EDIL3: variants seen among roughly 807,000 people sequenced by gnomAD.
EDIL3 encodes EGF like and discoidin domains 3.
In EDIL3, 37 loss-of-function variants were observed where a neutral mutation model predicts 67.4. The ratio of observed to expected loss-of-function variants is 0.55; its 90% CI spans 0.42 to 0.72. The LOEUF (loss-of-function observed/expected upper bound fraction) is 0.72, where lower values mean the gene tolerates loss of function less well. EDIL3 is among the 30% of genes least tolerant of loss of function. EDIL3 has a pLI of 0.00. For synonymous variants in EDIL3, 195 were observed against 196.3 expected, an observed-to-expected ratio of 0.99 and a Z score of 0.05; for missense variants, 527 against 586.3, an observed-to-expected ratio of 0.90 and a Z score of 1.04.
rs138808687 is a variant in EDIL3, at chr5:84,273,014, C to T, written c.68-18802G>A. Among the ~76,000 whole-genome samples the T allele has an allele frequency of 2.8e-3, 433 of 152,100 alleles. 1 individual carries two copies. The highest frequency in any genetic ancestry group is 1.0e-2 in the African/African-American group (413 of 41,502). On this transcript the variant is annotated intron_variant, in intron 1 of 10. Transcript: ENST00000296591. Reference sequence around the variant, plus strand: ...AACCTCTGTTTCTCTACAGTTTTCTCGGCTTTGCTTGTCTCCAGTATCTAG... The same window carrying T: ...AACCTCTGTTTCTCTACAGTTTTCTTGGCTTTGCTTGTCTCCAGTATCTAG...
chr5:84,230,599 G>GT (rs1744553737), intron 2 of EDIL3, among the ~76,000 whole-genome samples: 1 of 152,098 alleles, frequency 6.6e-6, no homozygotes, highest in Admixed American at 6.5e-5. Context: ...TAGAGATGGA[G>GT]TTTCTCCATG....
rs115135143 is a variant in EDIL3 at position 84,189,200 on chromosome 5, C to T, written c.227-8679G>A. 6.5e-3 allele frequency among the ~76,000 whole-genome samples: 992 copies of T among 151,980 alleles called. 12 individuals are homozygous for T. Among genetic ancestry groups the T allele is most frequent in the African/African-American group, 0.023 (942 of 41,486 alleles). On this transcript the variant is annotated intron_variant, in intron 3 of 10. Coordinates refer to ENST00000296591, the MANE Select transcript of EDIL3 (RefSeq NM_005711.5). ...TTGATGGTGCTGGAGATCAGGAGAG[C>T]AGTCTAAATTTGGGGCAGTAACTAG...
intron 4 of EDIL3, among the ~76,000 whole-genome samples, chr5:84,163,712 G>C (rs1195986320): frequency 6.6e-6 from 1 of 151,950 alleles, no homozygotes; most frequent in Non-Finnish European, 1.5e-5. Flanking sequence ...ATCTTTTATA[G>C]ACAGAAAAAT....
chr5:84,320,007 G>A (rs570898069), intron 1 of EDIL3, among the ~76,000 whole-genome samples: 85 of 152,150 alleles, frequency 5.6e-4, no homozygotes, highest in African/African-American at 2.0e-3. Context: ...GTCAGGGGGT[G>A]GGTGCCTGGG....
chr5:84,361,911 T>C (rs562623464), intron 1 of EDIL3, among the ~76,000 whole-genome samples: 1 of 152,170 alleles, frequency 6.6e-6, no homozygotes, highest in African/African-American at 2.4e-5. Flanking sequence ...CTAAACATAA[T>C]AGTCTAATAA....
intron 1 of EDIL3, among the ~76,000 whole-genome samples, chr5:84,351,242 G>A (rs1006236832): frequency 6.6e-6 from 1 of 152,066 alleles, no homozygotes; most frequent in Non-Finnish European, 1.5e-5. Context: ...ACTCTTGGCA[G>A]GGTTTTGAGA....
Position 84,177,885 on chromosome 5 carries a change from C to A in EDIL3, c.355+2508G>T, listed in dbSNP as rs151184383. Among the ~76,000 whole-genome samples, 568 of 152,194 alleles carry A rather than the reference C, an allele frequency of 3.7e-3. 12 individuals carry two copies. Among genetic ancestry groups the A allele is most frequent in the African/African-American group, 0.013 (546 of 41,538 alleles). ...AACTATATATTTGTCACTCCTGTAT[C>A]ATGAAATTTAAAGTTCTTTAAATGT... On this transcript the variant is annotated intron_variant, in intron 4 of 10. Coordinates refer to ENST00000296591, the MANE Select transcript of EDIL3 (RefSeq NM_005711.5).
intron 6 of EDIL3, among the ~76,000 whole-genome samples, chr5:84,094,503 A>T (rs967854664): frequency 4.6e-5 from 7 of 151,984 alleles, no homozygotes; most frequent in Admixed American, 3.9e-4. Context: ...ACTAGAAAAA[A>T]GGCTGAAAAT....
intron 3 of EDIL3, among the ~76,000 whole-genome samples, chr5:84,181,686 A>G (rs1434223048): frequency 6.6e-6 from 1 of 152,132 alleles, no homozygotes; most frequent in Admixed American, 6.5e-5. Context: ...CAGGATGTTA[A>G]TTGACTCAGG....
chr5:84,148,991 A>C (rs1425002701), intron 4 of EDIL3, among the ~76,000 whole-genome samples: 1 of 144,812 alleles, frequency 6.9e-6, no homozygotes, highest in East Asian at 2.0e-4. Context: ...AAAAAAAAAA[A>C]CCTCAGACAA....
intron 5 of EDIL3, among the ~76,000 whole-genome samples, chr5:84,114,977 T>G (rs1013407088): frequency 6.6e-6 from 1 of 152,220 alleles, no homozygotes; most frequent in Non-Finnish European, 1.5e-5. Flanking sequence ...TTATTTAGGT[T>G]TTCAAAGCAC....
intron 9 of EDIL3, among the ~76,000 whole-genome samples, chr5:84,021,266 G>A (rs1745709264): frequency 6.7e-6 from 1 of 149,874 alleles, no homozygotes. Context: ...GCTAATTTGG[G>A]GCTTGTTATT....
chr5:84,369,527 T>TA (rs1412151313), intron 1 of EDIL3, among the ~76,000 whole-genome samples: 1 of 152,008 alleles, frequency 6.6e-6, no homozygotes, highest in African/African-American at 2.4e-5. Context: ...CTTAGAGACT[T>TA]AGAGTAGTCA....
chr5:84,158,074 G>T (rs1748526580), intron 4 of EDIL3, among the ~76,000 whole-genome samples: 1 of 152,038 alleles, frequency 6.6e-6, no homozygotes, highest in South Asian at 2.1e-4. Context: ...AACAAGTTTT[G>T]TTATATATGA....
chr5:84,164,992 T>C (rs368162743), intron 4 of EDIL3, among the ~76,000 whole-genome samples: 17 of 151,812 alleles, frequency 1.1e-4, no homozygotes, highest in African/African-American at 3.9e-4. Context: ...GGCAGGACAA[T>C]GGGAAATTAA....
At chr5:84,242,610 C>A (rs781110066) in intron 2 of EDIL3, among the ~76,000 whole-genome samples, 1 of 151,668 alleles carries the variant, frequency 6.6e-6, no homozygotes, top group Non-Finnish European at 1.5e-5. Flanking sequence ...TCAGCCTGGG[C>A]GACATGGCAA....
chr5:84,166,542 C>T (rs918239706), intron 4 of EDIL3, among the ~76,000 whole-genome samples: 2 of 152,246 alleles, frequency 1.3e-5, no homozygotes, highest in South Asian at 4.1e-4. Flanking sequence ...TTTTTAGGCA[C>T]AGCAAATTAC....
intron 4 of EDIL3, among the ~76,000 whole-genome samples, chr5:84,165,746 T>C (rs962946975): frequency 6.6e-6 from 1 of 152,138 alleles, no homozygotes; most frequent in Non-Finnish European, 1.5e-5. Flanking sequence ...AGACAAAGGA[T>C]GGCACCACGT....
At chr5:84,258,430 C>A (rs554997378) in intron 1 of EDIL3, among the ~76,000 whole-genome samples, 1 of 152,124 alleles carries the variant, frequency 6.6e-6, no homozygotes, top group African/African-American at 2.4e-5. Flanking sequence ...ACACAGGGAG[C>A]TCCAGAGCAA....
Sources: gnomAD v4.1 joint callset for allele counts (sites outside exome capture counted in the v4.1 genomes callset) on GRCh38, gnomAD v4.1.1 for gene constraint, MANE v1.5 for transcripts, NCBI Gene and HGNC (gene_info 2026-07-23, HGNC 2026-07-21) for gene names.